The following DOCK3 variants were observed in gnomAD, a reference collection of about 807,000 sequenced individuals.
DOCK3 encodes dedicator of cytokinesis 3.
Under a neutral mutation model 265.6 loss-of-function variants are expected in DOCK3, and 60 were observed. The ratio of observed to expected loss-of-function variants is 0.23; its 90% CI spans 0.18 to 0.28. The LOEUF (loss-of-function observed/expected upper bound fraction) is 0.28, where lower values mean the gene tolerates loss of function less well. Ranked by LOEUF, DOCK3 falls within the 10% of genes least tolerant of loss-of-function variation. DOCK3 has a pLI of 1.00. For missense variants in DOCK3, 1,981 were observed against 2,594.3 expected (o/e 0.76, Z 5.14); for synonymous variants, 881 against 938.0 (o/e 0.94, Z 1.11).
chr3:51,238,407 G>A (rs2078446120), intron 21 of DOCK3, among the ~76,000 whole-genome samples: 1 of 151,958 alleles, frequency 6.6e-6, no homozygotes, highest in South Asian at 2.1e-4. Context: ...CTCCCAAAGT[G>A]CTGGGATTAC....
intron 4 of DOCK3, among the ~76,000 whole-genome samples, chr3:50,928,604 T>C (rs2050897658): frequency 6.6e-6 from 1 of 152,258 alleles, no homozygotes; most frequent in South Asian, 2.1e-4. Context: ...TAGTTGATTC[T>C]ATTGCATATT....
At chr3:51,040,211 G>GT (rs11296253) in intron 5 of DOCK3, among the ~76,000 whole-genome samples, 18 of 146,400 alleles carry the variant, frequency 1.2e-4, no homozygotes, top group Admixed American at 2.0e-4. Context: ...AAATGTGCCA[G>GT]TTTTTTTTTT....
At chr3:50,876,550 A>T (rs1289186809) in intron 3 of DOCK3, among the ~76,000 whole-genome samples, 2 of 152,090 alleles carry the variant, frequency 1.3e-5, no homozygotes, top group African/African-American at 4.8e-5. Context: ...ATTCAGCTGC[A>T]TTTGGGGAAG....
intron 3 of DOCK3, chr3:50,863,521 C>T (rs1275022592): frequency 2.0e-6 from 1 of 492,506 alleles, no homozygotes; most frequent in Non-Finnish European, 4.0e-6. Context: ...CTCCAGTTTT[C>T]CAGGGGTCGA....
intron 2 of DOCK3, among the ~76,000 whole-genome samples, chr3:50,805,718 C>T (rs1219985367): frequency 6.6e-6 from 1 of 152,008 alleles, no homozygotes; most frequent in African/African-American, 2.4e-5. Context: ...TGGATTTTGC[C>T]CACCATGGAC....
intron 1 of DOCK3, among the ~76,000 whole-genome samples, chr3:50,741,815 G>A (rs1192647814): frequency 6.6e-6 from 1 of 152,102 alleles, no homozygotes; most frequent in Non-Finnish European, 1.5e-5. Context: ...GGGTCAAATG[G>A]TATTTCTAGT....
chr3:51,238,823 T>C (rs973680137), intron 21 of DOCK3, among the ~76,000 whole-genome samples: 2 of 152,224 alleles, frequency 1.3e-5, no homozygotes, highest in Non-Finnish European at 2.9e-5. Flanking sequence ...TATTCCATGG[T>C]ATATATGTAC....
chr3:51,241,802 A>G (rs9872983), intron 21 of DOCK3, among the ~76,000 whole-genome samples: 1,610 of 152,206 alleles, frequency 0.011, 41 homozygotes, highest in African/African-American at 0.036. Context: ...TATACTAACT[A>G]TTTTGTCTGT....
At chr3:51,080,216 C>CA (rs2082181311) in intron 7 of DOCK3, among the ~76,000 whole-genome samples, 1 of 152,122 alleles carries the variant, frequency 6.6e-6, no homozygotes, top group African/African-American at 2.4e-5. Flanking sequence ...AGTTTCTTTC[C>CA]ATATTGCTAG....
intron 1 of DOCK3, among the ~76,000 whole-genome samples, chr3:50,706,100 G>A (rs1471760357): frequency 1.3e-5 from 2 of 151,842 alleles, no homozygotes; most frequent in South Asian, 2.1e-4. Flanking sequence ...TGAAGAAGGC[G>A]CCTGCTTCTC....
chr3:50,930,234 C>T (rs934328570), intron 4 of DOCK3, among the ~76,000 whole-genome samples: 1 of 152,224 alleles, frequency 6.6e-6, no homozygotes, highest in African/African-American at 2.4e-5. Flanking sequence ...ATCATTTCTG[C>T]ATTAATCTTA....
intron 5 of DOCK3, among the ~76,000 whole-genome samples, chr3:50,975,664 G>T (rs1024258932): frequency 2.0e-5 from 3 of 152,238 alleles, no homozygotes; most frequent in African/African-American, 7.2e-5. Context: ...CATGAAATGA[G>T]TTAGGGAGGA....
At chr3:51,293,865 G>C (rs2081926623) in intron 27 of DOCK3, among the ~76,000 whole-genome samples, 1 of 152,174 alleles carries the variant, frequency 6.6e-6, no homozygotes, top group Non-Finnish European at 1.5e-5. Flanking sequence ...AATATTTCTA[G>C]TCATCAGAAA....
intron 9 of DOCK3, among the ~76,000 whole-genome samples, chr3:51,124,658 T>A (rs572167551): frequency 6.6e-6 from 1 of 152,210 alleles, no homozygotes; most frequent in Non-Finnish European, 1.5e-5. Flanking sequence ...TTTAGAGAGA[T>A]GTAGCTATTT....
intron 1 of DOCK3, among the ~76,000 whole-genome samples, chr3:50,714,995 G>A (rs530080260): frequency 1.3e-5 from 2 of 152,256 alleles, no homozygotes; most frequent in East Asian, 1.9e-4. Flanking sequence ...AACCTTTTAT[G>A]TGCTTTAGCA....
At chr3:51,042,961 TA>T (rs2080599072) in intron 5 of DOCK3, among the ~76,000 whole-genome samples, 1 of 151,708 alleles carries the variant, frequency 6.6e-6, no homozygotes, top group African/African-American at 2.4e-5. Context: ...AAACAAATTT[TA>T]AAAAATTCCA....
chr3:51,326,572 G>A lies in DOCK3; in HGVS notation c.3403-3566G>A, dbSNP rs142914971. On this transcript the variant is annotated intron_variant, in intron 32 of 52. Coordinates refer to ENST00000266037, the MANE Select transcript of DOCK3 (RefSeq NM_004947.5). ...TGGGATTACAGGCGTGAGCCCCCAC[G>A]CCTGGCATGTTTTGTTGTTGTTGTT... Among the ~76,000 whole-genome samples the A allele has an allele frequency of 6.1e-3, 910 of 148,204 alleles. 7 individuals carry two copies. Among genetic ancestry groups the A allele is most frequent in the African/African-American group, 0.015 (600 of 40,146 alleles).
chr3:51,315,248 A>T, intron 32 of DOCK3, 120 bp downstream of exon 32: 1 of 1,280,430 alleles, frequency 7.8e-7, no homozygotes, highest in South Asian at 1.9e-5. Flanking sequence ...GCTAATTTGA[A>T]TCCTGTTCAA....
chr3:50,692,217 T>G (rs1303681358), intron 1 of DOCK3, among the ~76,000 whole-genome samples: 1 of 152,200 alleles, frequency 6.6e-6, no homozygotes, highest in Non-Finnish European at 1.5e-5. Context: ...GTGCCTGGCC[T>G]CAATTTTGTT....
Sources: gnomAD v4.1 joint callset for allele counts (sites outside exome capture counted in the v4.1 genomes callset) on GRCh38, gnomAD v4.1.1 for gene constraint, MANE v1.5 for transcripts, NCBI Gene and HGNC (gene_info 2026-07-23, HGNC 2026-07-21) for gene names.